Variants in ATP8A2 observed in about 807,000 individuals in gnomAD.
ATP8A2 encodes ATPase phospholipid transporting 8A2.
ATP8A2 carries 100 observed loss-of-function variants against 165.6 expected under a neutral mutation model. The ratio of observed to expected loss-of-function variants is 0.60; its 90% CI spans 0.51 to 0.71. ATP8A2 has a LOEUF of 0.71. Among genes scored for constraint, ATP8A2 ranks in the 30% least tolerant of loss-of-function variants. The pLI is 0.00. For missense variants in ATP8A2, 1,227 were observed against 1,479.5 expected (o/e 0.83, Z 2.80); for synonymous variants, 543 against 548.8 (o/e 0.99, Z 0.15).
At chr13:25,602,936 G>C (rs1023463529) in intron 24 of ATP8A2, among the ~76,000 whole-genome samples, 2 of 152,044 alleles carry the variant, frequency 1.3e-5, no homozygotes, top group Non-Finnish European at 2.9e-5. Context: ...GCCAGGCATG[G>C]GGGGGTGTGC....
At chr13:25,394,614 G>A (rs1458654309) in intron 1 of ATP8A2, among the ~76,000 whole-genome samples, 1 of 152,168 alleles carries the variant, frequency 6.6e-6, no homozygotes, top group Non-Finnish European at 1.5e-5. Flanking sequence ...TGCCAGGCCT[G>A]TGAAGGGGAC....
At chr13:25,710,112 TTTTTTTA>T (rs1312044648) in intron 25 of ATP8A2, among the ~76,000 whole-genome samples, 5 of 152,118 alleles carry the variant, frequency 3.3e-5, no homozygotes, top group Non-Finnish European at 7.4e-5. Context: ...AGACTTTTAT[TTTTTTTA>T]ATTTTTAATT....
At chr13:25,687,068 G>A (rs549440069) in intron 24 of ATP8A2, among the ~76,000 whole-genome samples, 1 of 152,254 alleles carries the variant, frequency 6.6e-6, no homozygotes, top group South Asian at 2.1e-4. Flanking sequence ...GAAGGCCCTT[G>A]TCACGGCCCC....
At chr13:25,480,740 T>C (rs1419516953) in intron 2 of ATP8A2, among the ~76,000 whole-genome samples, 1 of 150,024 alleles carries the variant, frequency 6.7e-6, no homozygotes, top group Non-Finnish European at 1.5e-5. Flanking sequence ...CGCTCCTCAC[T>C]TCCTAGACGG....
intron 24 of ATP8A2, among the ~76,000 whole-genome samples, chr13:25,687,318 A>G (rs1489584634): frequency 6.6e-6 from 1 of 152,190 alleles, no homozygotes; most frequent in African/African-American, 2.4e-5. Context: ...GCCAACATTG[A>G]TTGAAAGGTT....
chr13:25,524,886 ACTTCCTTCCTTC>A (rs58154499), intron 2 of ATP8A2, among the ~76,000 whole-genome samples: 6,313 of 141,684 alleles, frequency 0.045, 174 homozygotes, highest in African/African-American at 0.081. Context: ...TTGTTTGATA[ACTTCCTTCCTTC>A]CTTCCTTCCT....
intron 27 of ATP8A2, among the ~76,000 whole-genome samples, chr13:25,826,446 CCT>C (rs1194703765): frequency 2.0e-5 from 3 of 152,098 alleles, no homozygotes; most frequent in Non-Finnish European, 2.9e-5. Context: ...TTGGTGAGTA[CCT>C]GTTTGTACCA....
Position 25,699,334 on chromosome 13 carries a change from C to A in ATP8A2, c.2373C>A (p.Val791=), listed in dbSNP as rs1282748382. Residue 791 remains valine (V), a synonymous_variant, in exon 25 of 37, where the codon GTC becomes GTA. Coordinates refer to ENST00000381655, the MANE Select transcript of ATP8A2 (RefSeq NM_016529.6). ...ATTTGGCACTCTCGTGCAAAGCGGT[C>A]ATATGCTGCAGGTAGGAACCTGCAG... ...FLDLALSCKA[V]ICCRVSPLQK... The A allele has an allele frequency of 6.2e-7, 1 of 1,611,944 alleles. No individual in the cohort carries two copies. The highest frequency in any genetic ancestry group is 8.5e-7 in the Non-Finnish European group (1 of 1,178,852).
At chr13:25,906,968 G>A (rs961022835) in intron 33 of ATP8A2, among the ~76,000 whole-genome samples, 2 of 152,200 alleles carry the variant, frequency 1.3e-5, no homozygotes, top group Admixed American at 6.5e-5. Context: ...GGTGGCTCAC[G>A]CCTGTAATCC....
At chr13:25,635,173 C>T (rs1409825552) in intron 24 of ATP8A2, among the ~76,000 whole-genome samples, 3 of 152,036 alleles carry the variant, frequency 2.0e-5, no homozygotes, top group Non-Finnish European at 2.9e-5. Context: ...AAGCATGACC[C>T]GTGTAACATT....
intron 2 of ATP8A2, among the ~76,000 whole-genome samples, chr13:25,482,702 C>T (rs1566171770): frequency 1.3e-5 from 2 of 152,136 alleles, no homozygotes; most frequent in South Asian, 2.1e-4. Flanking sequence ...ATCATGGGGG[C>T]GGTTTCCCCC....
chr13:25,452,913 G>C (rs1408712956), intron 1 of ATP8A2, among the ~76,000 whole-genome samples: 1 of 151,490 alleles, frequency 6.6e-6, no homozygotes, highest in Non-Finnish European at 1.5e-5. Context: ...TGGGCAACAT[G>C]GGGAAACCTT....
intron 33 of ATP8A2, among the ~76,000 whole-genome samples, chr13:25,869,426 G>T (rs889266818): frequency 6.6e-6 from 1 of 152,188 alleles, no homozygotes; most frequent in Non-Finnish European, 1.5e-5. Flanking sequence ...GGATTAAAGT[G>T]ACCCGAATCC....
At chr13:25,700,194 C>G (rs894124806) in intron 25 of ATP8A2, among the ~76,000 whole-genome samples, 2 of 152,140 alleles carry the variant, frequency 1.3e-5, no homozygotes, top group Non-Finnish European at 2.9e-5. Context: ...GAGCAATGGC[C>G]AGAGCACCTT....
At chr13:25,597,027 T>G (rs2040253794) in intron 24 of ATP8A2, among the ~76,000 whole-genome samples, 1 of 152,200 alleles carries the variant, frequency 6.6e-6, no homozygotes, top group Admixed American at 6.5e-5. Flanking sequence ...TTGATTTTCT[T>G]GTGCTTATTG....
intron 27 of ATP8A2, among the ~76,000 whole-genome samples, chr13:25,808,443 A>G (rs1950789923): frequency 6.6e-6 from 1 of 151,938 alleles, no homozygotes; most frequent in Non-Finnish European, 1.5e-5. Context: ...TACTAAAAAT[A>G]CAAAAATTTG....
intron 36 of ATP8A2, 43 bp downstream of exon 36, chr13:26,012,665 T>TG (rs1956875271): frequency 2.2e-5 from 24 of 1,094,038 alleles, no homozygotes; most frequent in Non-Finnish European, 2.7e-5. Context: ...TGGGTGTCGG[T>TG]GCGGGGCGGG....
intron 24 of ATP8A2, among the ~76,000 whole-genome samples, chr13:25,600,032 G>A (rs191415306): frequency 6.6e-6 from 1 of 152,318 alleles, no homozygotes; most frequent in East Asian, 1.9e-4. Context: ...TCTGAACAGA[G>A]TGGTTTCAAT....
chr13:25,578,724 G>C lies in ATP8A2; in HGVS notation c.1783-91G>C, dbSNP rs2039688385. ...TACCCACTCGGGTATTCTCATGCAT[G>C]TTAGATAAACAGAAACAAAGCCATG... On this transcript the variant is annotated intron_variant, in intron 20 of 36. Transcript: ENST00000381655. The C allele has an allele frequency of 2.5e-6, 2 of 794,058 alleles. 1 individual carries two copies. The highest frequency in any genetic ancestry group is 2.8e-5 in the South Asian group (2 of 70,668). 49.2% of individuals were successfully genotyped at this position (794,058 alleles called of 1,614,324 possible).
Sources: gnomAD v4.1 joint callset for allele counts (sites outside exome capture counted in the v4.1 genomes callset) on GRCh38, gnomAD v4.1.1 for gene constraint, MANE v1.5 for transcripts, NCBI Gene and HGNC (gene_info 2026-07-23, HGNC 2026-07-21) for gene names.